Variants in ATRNL1 observed in about 807,000 individuals in gnomAD.
ATRNL1 encodes attractin-like protein 1.
In ATRNL1, 95 loss-of-function variants were observed where a neutral mutation model predicts 182.7. The ratio of observed to expected loss-of-function variants is 0.52; its 90% CI spans 0.44 to 0.62. The LOEUF (loss-of-function observed/expected upper bound fraction) is 0.62. Among genes scored for constraint, ATRNL1 ranks in the 20% least tolerant of loss-of-function variants. The pLI, the probability that ATRNL1 is intolerant of heterozygous loss-of-function variation, is 0.00. For missense variants in ATRNL1, 1,471 were observed against 1,679.5 expected (o/e 0.88, Z 2.17); for synonymous variants, 576 against 568.3 (o/e 1.01, Z -0.19).
chr10:115,863,387 T>G (rs1555103910), intron 28 of ATRNL1, among the ~76,000 whole-genome samples: 1 of 152,190 alleles, frequency 6.6e-6, no homozygotes, highest in African/African-American at 2.4e-5. Flanking sequence ...TATATATGAA[T>G]GTACTATAGT....
At position 115,473,013 on chromosome 10, in the gene ATRNL1, C is replaced by T. The variant is rs184404940; in HGVS notation, c.3654+3684C>T. On this transcript the variant is annotated intron_variant, in intron 24 of 28. Transcript: ENST00000355044. The stretch of plus-strand genomic sequence containing the variant: ...TTCTTTATTGTGTTGAGGTACATTC[C>T]GCTTAAACCTAATTTGTTGGAAGTT... Among the ~76,000 whole-genome samples the T allele has an allele frequency of 2.1e-3, 316 of 151,272 alleles. 1 individual carries two copies. Among genetic ancestry groups the T allele is most frequent in the African/African-American group, 7.0e-3 (290 of 41,422 alleles).
chr10:115,530,975 G>T (rs1405833648), intron 25 of ATRNL1, among the ~76,000 whole-genome samples: 1 of 152,006 alleles, frequency 6.6e-6, no homozygotes, highest in Non-Finnish European at 1.5e-5. Context: ...TTTTATGGCT[G>T]CATAGTATTC....
intron 26 of ATRNL1, among the ~76,000 whole-genome samples, chr10:115,624,096 T>C (rs1467779902): frequency 2.0e-5 from 3 of 152,136 alleles, no homozygotes; most frequent in African/African-American, 7.2e-5. Context: ...GCTGAATTTA[T>C]GTATTTATTT....
At chr10:115,568,410 A>G (rs200678319) in intron 26 of ATRNL1, among the ~76,000 whole-genome samples, 1 of 152,052 alleles carries the variant, frequency 6.6e-6, no homozygotes, top group Non-Finnish European at 1.5e-5. Flanking sequence ...TACTAAAGCT[A>G]TGTTCTTTTT....
chr10:115,120,189 A>G lies in ATRNL1; in HGVS notation c.298A>G (p.Thr100Ala). 6.5e-7 allele frequency: 1 copy of G among 1,527,636 alleles called. No homozygotes were observed. The highest frequency in any genetic ancestry group is 9.0e-7 in the Non-Finnish European group (1 of 1,107,310). 94.6% of individuals were successfully genotyped at this position (1,527,636 alleles called of 1,614,324 possible). A position where few individuals can be genotyped will look rare whatever the true frequency, so the allele number is the denominator to read the frequency against. ...CQHCQGRFKL[T>A]EPSGYLTDGP... Reference sequence around the variant, plus strand: ...TTATTTTATTTTCTCTTCCAGGTTAACAGAACCTTCTGGATATTTAACAGA... The same window carrying G: ...TTATTTTATTTTCTCTTCCAGGTTAGCAGAACCTTCTGGATATTTAACAGA... Residue 100 changes from threonine to alanine, a missense_variant, in exon 2 of 29, where the codon ACA (threonine) becomes GCA (alanine). Physicochemically the swap from Thr to Ala is moderately conservative, Grantham distance 58. Around this residue, in one of 3 missense-constraint regions of ATRNL1, gnomAD observed 1,031 missense variants for 1,156.0 expected, o/e 0.89. Coordinates refer to ENST00000355044, the MANE Select transcript of ATRNL1 (RefSeq NM_207303.4).
At chr10:115,839,470 A>G (rs1384725538) in intron 27 of ATRNL1, among the ~76,000 whole-genome samples, 1 of 152,158 alleles carries the variant, frequency 6.6e-6, no homozygotes, top group Non-Finnish European at 1.5e-5. Context: ...CCCTCTTTAC[A>G]GAATATTTCC....
At chr10:115,788,580 G>A (rs2134205881) in intron 27 of ATRNL1, among the ~76,000 whole-genome samples, 1 of 152,282 alleles carries the variant, frequency 6.6e-6, no homozygotes, top group Middle Eastern at 3.4e-3. Flanking sequence ...GTGGGGGCAA[G>A]GAGATAATTG....
chr10:115,197,913 A>G lies in ATRNL1; in HGVS notation c.1349-17784A>G, dbSNP rs116265260. ...CATCTATTCACTCCATTGGATGGAC[A>G]CTTAGGTTGATGAGCCCTTAGGTTG... On this transcript the variant is annotated intron_variant, in intron 8 of 28. Coordinates refer to ENST00000355044, the MANE Select transcript of ATRNL1 (RefSeq NM_207303.4). Among the ~76,000 whole-genome samples the G allele has an allele frequency of 7.7e-3, 1,167 of 152,248 alleles. 17 individuals carry two copies. The highest frequency in any genetic ancestry group is 0.026 in the African/African-American group (1,087 of 41,564).
At chr10:115,934,912 T>C (rs890864155) in intron 28 of ATRNL1, among the ~76,000 whole-genome samples, 11 of 152,158 alleles carry the variant, frequency 7.2e-5, no homozygotes, top group African/African-American at 2.7e-4. Flanking sequence ...TCCTGAAGTT[T>C]CTCAAATATC....
intron 28 of ATRNL1, among the ~76,000 whole-genome samples, chr10:115,888,997 A>G (rs1952016656): frequency 6.6e-6 from 1 of 152,256 alleles, no homozygotes; most frequent in African/African-American, 2.4e-5. Context: ...ATAGAGCTAG[A>G]TATGAGTGAA....
At chr10:115,132,718 A>C (rs1300728432) in intron 5 of ATRNL1, among the ~76,000 whole-genome samples, 1 of 152,158 alleles carries the variant, frequency 6.6e-6, no homozygotes, top group Non-Finnish European at 1.5e-5. Context: ...TTTTGGCTGC[A>C]TAAATGTCTT....
intron 27 of ATRNL1, among the ~76,000 whole-genome samples, chr10:115,833,385 T>C (rs868924120): frequency 6.6e-6 from 1 of 152,140 alleles, no homozygotes; most frequent in Non-Finnish European, 1.5e-5. Context: ...GCGTGCTCAA[T>C]GTAGAACCAG....
chr10:115,730,253 C>CAAA (rs535690432), intron 27 of ATRNL1, among the ~76,000 whole-genome samples: 164 of 61,442 alleles, frequency 2.7e-3, no homozygotes, highest in East Asian at 5.6e-3. Context: ...TAGGACTCCT[C>CAAA]AAAAAAAAAA....
chr10:115,675,652 G>A (rs1260727570), intron 26 of ATRNL1, among the ~76,000 whole-genome samples: 1 of 151,924 alleles, frequency 6.6e-6, no homozygotes, highest in Admixed American at 6.6e-5. Flanking sequence ...AAATAAGAAC[G>A]GAAAAATGCA....
intron 19 of ATRNL1, among the ~76,000 whole-genome samples, chr10:115,386,459 A>G (rs1343723454): frequency 2.6e-5 from 4 of 152,056 alleles, no homozygotes; most frequent in Non-Finnish European, 5.9e-5. Context: ...AGGGTGTTCA[A>G]GCTGCTTACA....
At chr10:115,430,903 C>T (rs653295) in intron 21 of ATRNL1, among the ~76,000 whole-genome samples, 55,419 of 151,810 alleles carry the variant, frequency 0.37, 11,361 homozygotes, top group African/African-American at 0.56. Context: ...AACAAAAAAT[C>T]ATGTGGCCAA....
At chr10:115,881,146 C>T (rs1420555494) in intron 28 of ATRNL1, among the ~76,000 whole-genome samples, 2 of 152,178 alleles carry the variant, frequency 1.3e-5, no homozygotes, top group African/African-American at 4.8e-5. Context: ...AGGGCATTGC[C>T]TAGCTAACAT....
At chr10:115,223,096 A>C (rs1554897825) in intron 9 of ATRNL1, among the ~76,000 whole-genome samples, 1 of 152,178 alleles carries the variant, frequency 6.6e-6, no homozygotes, top group African/African-American at 2.4e-5. Flanking sequence ...CCTGGCCAAC[A>C]TGCTGAAACC....
chr10:115,719,987 G>A (rs1226796436), intron 26 of ATRNL1, among the ~76,000 whole-genome samples: 16 of 151,288 alleles, frequency 1.1e-4, no homozygotes, highest in African/African-American at 3.9e-4. Flanking sequence ...AACCTCCTGA[G>A]TAGCTGGGAT....
Sources: gnomAD v4.1 joint callset for allele counts (sites outside exome capture counted in the v4.1 genomes callset) on GRCh38, gnomAD v4.1.1 for gene constraint, gnomAD v4.1.1 regional missense constraint, MANE v1.5 for transcripts, NCBI Gene and HGNC (gene_info 2026-07-23, HGNC 2026-07-21) for gene names.